Variants in SLC9B2 observed in about 807,000 individuals in gnomAD.
The protein encoded by SLC9B2 is solute carrier family 9 member B2.
SLC9B2 carries 39 observed loss-of-function variants against 52.2 expected under a neutral mutation model. The observed-to-expected ratio is 0.75, with a 90% CI of 0.58 to 0.98. The LOEUF is 0.98. SLC9B2 is among the 50% of genes least tolerant of loss of function. SLC9B2 has a pLI of 0.00. For missense variants in SLC9B2, 626 were observed against 637.5 expected (o/e 0.98, Z 0.19); for synonymous variants, 214 against 227.0 (o/e 0.94, Z 0.51).
intron 3 of SLC9B2, chr4:103,065,785 T>G (rs958921407): frequency 6.6e-6 from 1 of 152,162 alleles, no homozygotes; most frequent in African/African-American, 2.4e-5. Flanking sequence ...GACAAACATA[T>G]ACAAGCCTAA....
At chr4:103,069,029 T>C (rs929606611) in intron 1 of SLC9B2, among the ~76,000 whole-genome samples, 5 of 152,194 alleles carry the variant, frequency 3.3e-5, no homozygotes, top group African/African-American at 1.2e-4. Context: ...AAACCTTTAG[T>C]TTGTTTTTTA....
rs1024656177 is a variant in SLC9B2, at chr4:103,047,613, C to T, written c.714-387G>A. On this transcript the variant is annotated intron_variant, in intron 6 of 11. Transcript: ENST00000394785. ...CCTGTGTCCATGTGTTCTCATTGTTCATTTCCCACCTATGAGTGAGAACAT... is the reference window on the plus strand; with the variant it reads ...CCTGTGTCCATGTGTTCTCATTGTTTATTTCCCACCTATGAGTGAGAACAT... Among the ~76,000 whole-genome samples the T allele has an allele frequency of 2.9e-5, 4 of 139,218 alleles. No homozygotes were observed. In the Admixed American group the frequency reaches 3.2e-4, roughly 11 times the overall value. 91.3% of individuals were successfully genotyped at this position (139,218 alleles called of 152,430 possible).
In SLC9B2 at chr4:103,047,103, G is replaced by A. The variant is rs1744209898; in HGVS notation, c.837C>T (p.Asp279=). The A allele has an allele frequency of 1.2e-6, 2 of 1,614,052 alleles. No homozygotes were observed. Among genetic ancestry groups the A allele is most frequent in the South Asian group, 2.2e-5 (2 of 91,084 alleles). ...TGTTGAAGCCAGTGATGGCCAGAAT[G>A]TCATCGAAGCTGCCAGCTGCCATGA... is the stretch of plus-strand genomic sequence containing the variant. ...TLLMAAGSFD[D]ILAITGFNTC... The change falls in exon 7 of 12, where the codon GAC becomes GAT. Residue 279 remains aspartate (D), a synonymous_variant. Transcript: ENST00000394785.
chr4:103,066,864 C>T (rs561844862), intron 2 of SLC9B2, among the ~76,000 whole-genome samples: 86 of 151,884 alleles, frequency 5.7e-4, no homozygotes, highest in African/African-American at 1.9e-3. Flanking sequence ...GTTTCATGTA[C>T]AAATTATTTA....
chr4:103,074,737 G>A (rs1223882524), intron 1 of SLC9B2, among the ~76,000 whole-genome samples: 1 of 152,040 alleles, frequency 6.6e-6, no homozygotes, highest in African/African-American at 2.4e-5. Context: ...TAAACGTTTG[G>A]TTGTTTTCCA....
chr4:103,026,192 G>T lies in SLC9B2; in HGVS notation c.*178C>A. The T allele has an allele frequency of 1.8e-6, 1 of 552,122 alleles. No homozygotes were observed. The highest frequency in any genetic ancestry group is 3.2e-6 in the Non-Finnish European group (1 of 316,648). The allele number at this position is 552,122 out of a possible 1,614,324, so 34.2% of individuals were successfully genotyped here. A position where few individuals can be genotyped will look rare whatever the true frequency, so the allele number is the denominator to read the frequency against. The stretch of plus-strand genomic sequence containing the variant: ...AAAAAAGGCAGAGAGATTAAGGTTG[G>T]TGATATAGATCATTACCACCCACAT... On this transcript the variant is annotated 3_prime_UTR_variant, in exon 12 of 12. Transcript: ENST00000394785.
chr4:103,041,151 T>C (rs1386324010), intron 9 of SLC9B2, among the ~76,000 whole-genome samples: 1 of 152,198 alleles, frequency 6.6e-6, no homozygotes, highest in Non-Finnish European at 1.5e-5. Context: ...AAGGAAGTGA[T>C]CAATTTCTGA....
chr4:103,051,817 C>G (rs907196327), intron 4 of SLC9B2, among the ~76,000 whole-genome samples: 1 of 152,170 alleles, frequency 6.6e-6, no homozygotes, highest in African/African-American at 2.4e-5. Flanking sequence ...CACTGCTGTA[C>G]GGCTTGGGTT....
intron 9 of SLC9B2, among the ~76,000 whole-genome samples, chr4:103,035,634 T>C (rs1023859311): frequency 3.9e-5 from 6 of 152,110 alleles, no homozygotes; most frequent in African/African-American, 1.4e-4. Flanking sequence ...AAATAACAGA[T>C]GATGGTGAGG....
At position 103,044,895 on chromosome 4, in the gene SLC9B2, C is replaced by T; in HGVS notation, c.991G>A (p.Asp331Asn). The stretch of plus-strand genomic sequence containing the variant: ...CCACATATTATTTCTTTCACCTGGT[C>T]ACGGCTTGGAAAGTACTGAATGAAA... ...GFFIQYFPSR[D>N]QDKLVCKRTF... The change falls in exon 8 of 12, where the codon GAC becomes AAC. Residue 331 changes from aspartate (D) to asparagine (N), a missense_variant. Coordinates refer to ENST00000394785, the MANE Select transcript of SLC9B2 (RefSeq NM_178833.7). 6.2e-7 allele frequency: 1 copy of T among 1,612,330 alleles called. No homozygotes were observed.
At chr4:103,059,604 G>A (rs533033533) in intron 3 of SLC9B2, among the ~76,000 whole-genome samples, 84 of 152,206 alleles carry the variant, frequency 5.5e-4, no homozygotes, top group African/African-American at 2.0e-3. Context: ...TGCAGGGAAG[G>A]CTTTATCTTT....
At position 103,050,237 on chromosome 4, in the gene SLC9B2, T is replaced by A. The variant is rs746594241; in HGVS notation, c.585+3A>T. 6 of 1,564,758 alleles carry A rather than the reference T, an allele frequency of 3.8e-6. No individual in the cohort carries two copies. The highest frequency in any genetic ancestry group is 4.7e-5 in the East Asian group (2 of 43,000). Reference sequence around the variant, plus strand: ...TTAATAATGAGAAATTTACATTTCATACCTTTGAATCCAGACCAAGGCCAG... The same window carrying A: ...TTAATAATGAGAAATTTACATTTCAAACCTTTGAATCCAGACCAAGGCCAG... On this transcript the variant is annotated splice_donor_region_variant and intron_variant, in intron 5 of 11. Coordinates refer to ENST00000394785, the MANE Select transcript of SLC9B2 (RefSeq NM_178833.7).
chr4:103,055,715 G>T (rs1221757236), intron 4 of SLC9B2, among the ~76,000 whole-genome samples: 1 of 151,204 alleles, frequency 6.6e-6, no homozygotes, highest in East Asian at 1.9e-4. Context: ...AAGGTAGGTG[G>T]TTTTTTACTA....
At chr4:103,048,766 G>T in intron 6 of SLC9B2, 127 bp downstream of exon 6, 2 of 1,130,062 alleles carry the variant, frequency 1.8e-6, no homozygotes, top group Non-Finnish European at 2.4e-6. Flanking sequence ...TTTAAATTAT[G>T]CTGTAACATC....
At chr4:103,019,819 T>C (rs1741665471), downstream of SLC9B2, 1 of 985,528 alleles carries the variant, frequency 1.0e-6, no homozygotes, top group Admixed American at 6.1e-5. Context: ...TCTGGGACTG[T>C]CTGGTGTGTT....
intron 7 of SLC9B2, 101 bp from the exon 8 acceptor site, chr4:103,045,097 C>T: frequency 1.3e-6 from 1 of 754,594 alleles, no homozygotes; most frequent in South Asian, 2.0e-5. Flanking sequence ...AAAGAAGAAA[C>T]ATTTTAAAGA....
chr4:103,048,848 T>G (rs757408202), intron 6 of SLC9B2, 45 bp downstream of exon 6: 38 of 1,604,374 alleles, frequency 2.4e-5, no homozygotes, highest in Non-Finnish European at 2.9e-5. Context: ...GGGAAAGCCC[T>G]AAATGTCCCT....
intron 3 of SLC9B2, among the ~76,000 whole-genome samples, chr4:103,062,684 G>T (rs912507383): frequency 6.6e-6 from 1 of 151,992 alleles, no homozygotes; most frequent in Non-Finnish European, 1.5e-5. Context: ...GCAATGGCAC[G>T]ATCTCAACCT....
chr4:103,061,464 A>T (rs575219678), intron 3 of SLC9B2, among the ~76,000 whole-genome samples: 1 of 152,138 alleles, frequency 6.6e-6, no homozygotes, highest in African/African-American at 2.4e-5. Context: ...AACAATGAGA[A>T]CACATGGACA....
Sources: gnomAD v4.1 joint callset for allele counts (sites outside exome capture counted in the v4.1 genomes callset) on GRCh38, gnomAD v4.1.1 for gene constraint, MANE v1.5 for transcripts, NCBI Gene and HGNC (gene_info 2026-07-23, HGNC 2026-07-21) for gene names.